Variants in MASP2 observed in about 807,000 individuals in gnomAD.
The protein encoded by MASP2 is mannan-binding lectin serine protease 2.
A neutral mutation model predicts 57.1 loss-of-function variants in MASP2; 49 were observed. That is an observed-to-expected ratio of 0.86 (90% CI 0.68 to 1.09). MASP2 has a LOEUF of 1.09. Ranked by LOEUF, MASP2 falls within the 50% of genes least tolerant of loss-of-function variation. MASP2 has a pLI of 0.00. For missense variants in MASP2, 900 were observed against 874.8 expected, an observed-to-expected ratio of 1.03 and a Z score of -0.36; for synonymous variants, 379 against 340.8, an observed-to-expected ratio of 1.11 and a Z score of -1.24.
intron 3 of MASP2, 193 bp downstream of exon 3, chr1:11,046,363 T>C: frequency 3.1e-6 from 2 of 643,966 alleles, no homozygotes; most frequent in East Asian, 2.8e-5. Context: ...TGGCTCAGAG[T>C]TGGCACTCAG....
At chr1:11,037,979 G>A (rs1425609414) in intron 6 of MASP2, among the ~76,000 whole-genome samples, 168 bp from the exon 7 acceptor site, 1 of 152,208 alleles carries the variant, frequency 6.6e-6, no homozygotes, top group East Asian at 1.9e-4. Context: ...AAACTCTCAG[G>A]TGCTTTTGCA....
chr1:11,040,467 A>T (rs1397858048), intron 6 of MASP2, among the ~76,000 whole-genome samples: 3 of 9,120 alleles, frequency 3.3e-4, no homozygotes, highest in Non-Finnish European at 1.1e-3. Flanking sequence ...TCTTTGTCTA[A>T]AAAAAAAAAA....
At chr1:11,035,974 G>A (rs150101704) in intron 7 of MASP2, among the ~76,000 whole-genome samples, 1 of 151,692 alleles carries the variant, frequency 6.6e-6, no homozygotes, top group African/African-American at 2.4e-5. Flanking sequence ...TTGCAAGTGT[G>A]TCTGTGTATC....
intron 9 of MASP2, 193 bp downstream of exon 9, chr1:11,030,555 A>T: frequency 1.7e-6 from 1 of 602,574 alleles, no homozygotes; most frequent in Non-Finnish European, 2.8e-6. Flanking sequence ...GTCATTTACT[A>T]GATCTGTTTT....
At chr1:11,031,130 A>G (rs931761929) in intron 8 of MASP2, among the ~76,000 whole-genome samples, 1 of 151,996 alleles carries the variant, frequency 6.6e-6, no homozygotes, top group Admixed American at 6.6e-5. Flanking sequence ...GGCTGAACTG[A>G]GGGGGAGTCG....
chr1:11,039,457 A>C (rs1396329494), intron 6 of MASP2, among the ~76,000 whole-genome samples: 1 of 128,144 alleles, frequency 7.8e-6, no homozygotes, highest in Non-Finnish European at 1.7e-5. Flanking sequence ...AAGATAAGTA[A>C]GGTAGAAGAA....
intron 8 of MASP2, among the ~76,000 whole-genome samples, chr1:11,031,219 T>C (rs975498852): frequency 2.0e-5 from 3 of 150,874 alleles, no homozygotes; most frequent in Non-Finnish European, 3.0e-5. Flanking sequence ...AGCACCCTCA[T>C]GTCAAATATA....
rs530620861 is a variant in MASP2, at chr1:11,040,561, A to C, written c.889+2314T>G. On this transcript the variant is annotated intron_variant, in intron 6 of 10. Transcript: ENST00000400897. The stretch of plus-strand genomic sequence containing the variant: ...GATGAATGGATGGGTGGGTGGATGG[A>C]TGGATAGGATTGGTAGGTAGAATAA... 5.3e-5 allele frequency among the ~76,000 whole-genome samples: 8 copies of C among 150,214 alleles called. No homozygotes were observed. The South Asian group carries it at 1.7e-3, about 32-fold the overall frequency.
chr1:11,042,806 G>C, intron 6 of MASP2, 69 bp downstream of exon 6: 1 of 1,558,872 alleles, frequency 6.4e-7, no homozygotes, highest in Admixed American at 1.7e-5. Flanking sequence ...ACACTCTACA[G>C]CTCCTTGACA....
intron 6 of MASP2, among the ~76,000 whole-genome samples, chr1:11,039,596 ATGAT>A (rs1479432522): frequency 6.9e-6 from 1 of 144,778 alleles, no homozygotes; most frequent in Non-Finnish European, 1.5e-5. Context: ...GGATGGATGG[ATGAT>A]GGATGGATGG....
chr1:11,028,412 T>C (rs1643776172), intron 10 of MASP2, among the ~76,000 whole-genome samples: 1 of 152,220 alleles, frequency 6.6e-6, no homozygotes, highest in Admixed American at 6.5e-5. Context: ...AAATTACTTT[T>C]ACCTTTGAAC....
chr1:11,044,761 T>TA, intron 4 of MASP2: 44 of 1,313,522 alleles, frequency 3.3e-5, no homozygotes, highest in Middle Eastern at 2.8e-4. Context: ...CCCCGCCGCC[T>TA]CCCGACCCTC....
intron 6 of MASP2, among the ~76,000 whole-genome samples, chr1:11,040,222 G>C (rs1260741119): frequency 3.3e-5 from 5 of 151,942 alleles, no homozygotes; most frequent in Non-Finnish European, 5.9e-5. Context: ...TGTAATCCCA[G>C]CACTTCGGGA....
intron 9 of MASP2, 101 bp downstream of exon 9, chr1:11,030,647 T>C: frequency 7.5e-7 from 1 of 1,327,636 alleles, no homozygotes; most frequent in Non-Finnish European, 1.0e-6. Context: ...TTTAATCTTT[T>C]GTCTAGCCTT....
At chr1:11,040,266 C>G (rs1237148220) in intron 6 of MASP2, among the ~76,000 whole-genome samples, 3 of 151,834 alleles carry the variant, frequency 2.0e-5, no homozygotes, top group Non-Finnish European at 4.4e-5. Flanking sequence ...GTCAAGAGAT[C>G]AAGACCATTC....
intron 10 of MASP2, among the ~76,000 whole-genome samples, chr1:11,029,479 C>T (rs1379321400): frequency 6.6e-6 from 1 of 151,554 alleles, no homozygotes; most frequent in African/African-American, 2.4e-5. Context: ...TATTAAAAGG[C>T]AGATTGCATT....
At chr1:11,044,026 G>A (rs985655625) in intron 4 of MASP2, among the ~76,000 whole-genome samples, 4 of 152,082 alleles carry the variant, frequency 2.6e-5, no homozygotes, top group Non-Finnish European at 2.9e-5. Context: ...GGGCCCCTTC[G>A]GAGCTCCCCT....
intron 8 of MASP2, 128 bp downstream of exon 8, chr1:11,034,700 G>GAAAA (rs70977538): frequency 7.0e-4 from 345 of 492,102 alleles, no homozygotes; most frequent in African/African-American, 3.6e-3. Context: ...CCCTGTCTCA[G>GAAAA]AAAAAAAAAA....
At chr1:11,041,549 T>C (rs180810518) in intron 6 of MASP2, among the ~76,000 whole-genome samples, 76 of 134,022 alleles carry the variant, frequency 5.7e-4, no homozygotes, top group Non-Finnish European at 2.0e-4. Flanking sequence ...GACAGATGAA[T>C]AGAAGGATGA....
Sources: gnomAD v4.1 joint callset for allele counts (sites outside exome capture counted in the v4.1 genomes callset) on GRCh38, gnomAD v4.1.1 for gene constraint, MANE v1.5 for transcripts, NCBI Gene and HGNC (gene_info 2026-07-23, HGNC 2026-07-21) for gene names.